Variants in HPDL observed in about 807,000 individuals in gnomAD.
The protein encoded by HPDL is 4-hydroxyphenylpyruvate dioxygenase like.
A neutral mutation model predicts 9.8 loss-of-function variants in HPDL; 7 were observed. The observed-to-expected ratio is 0.71, with a 90% confidence interval of 0.41 to 1.34. The LOEUF is 1.34. Ranked by LOEUF, HPDL falls within the 40% of genes most tolerant of loss-of-function variation. HPDL has a pLI of 0.01. For synonymous variants in HPDL, 250 were observed against 228.2 expected (o/e 1.10, Z -0.86); for missense variants, 530 against 495.1 (o/e 1.07, Z -0.67).
rs752726928 is a variant in HPDL, at chr1:45,327,135, C to T, written c.-14C>T. On this transcript the variant is annotated 5_prime_UTR_variant, in exon 1 of 1. Coordinates refer to ENST00000334815, the MANE Select transcript of HPDL (RefSeq NM_032756.4). The surrounding 1 kb of genome is among the most constrained non-coding windows in gnomAD (Gnocchi z 6.3). ...GCCCCAGAAGGACAAGTCTAGGTCG[C>T]CGTCCAGAGCGCCATGGCCGCGCCC... 2.6e-6 allele frequency: 4 copies of T among 1,538,050 alleles called. No individual in the cohort carries two copies. The highest frequency in any genetic ancestry group is 1.2e-5 in the South Asian group (1 of 81,024).
rs1644239655 is a variant in HPDL, at chr1:45,327,094, C to T, written c.-55C>T. ...CCAGGACTGAGAGCCCCGAAGTCCC[C>T]AACCACAAGTAAGCGGCCCCAGAAG... On this transcript the variant is annotated 5_prime_UTR_variant, in exon 1 of 1. Transcript: ENST00000334815. The surrounding 1 kb of genome is among the most constrained non-coding windows in gnomAD (Gnocchi z 6.3). 6.7e-6 allele frequency: 10 copies of T among 1,501,636 alleles called. No individual in the cohort carries two copies. Among genetic ancestry groups the T allele is most frequent in the South Asian group, 6.6e-5 (5 of 75,960 alleles). 93.0% of individuals were successfully genotyped at this position (1,501,636 alleles called of 1,614,324 possible). A position where few individuals can be genotyped will look rare whatever the true frequency, so the allele number is the denominator to read the frequency against.
In HPDL at chr1:45,327,472, C is replaced by A. The variant is rs768772725; in HGVS notation, c.324C>A (p.Arg108=). ...GCAGCGTGCCTGTCCCTCCCGTTCG[C>A]GTGCGGGACGCGCAGGGTGCCGCCA... ...LGCSVPVPPV[R]VRDAQGAATY... The change falls in exon 1 of 1, where the codon CGC becomes CGA. Residue 108 remains arginine (R), a synonymous_variant. Coordinates refer to ENST00000334815, the MANE Select transcript of HPDL (RefSeq NM_032756.4). The surrounding 1 kb of genome is among the most constrained non-coding windows in gnomAD (Gnocchi z 6.3). 3.1e-6 allele frequency: 5 copies of A among 1,591,740 alleles called. No homozygotes were observed. The highest frequency in any genetic ancestry group is 4.3e-6 in the Non-Finnish European group (5 of 1,175,454).
rs1256046999 is a variant in HPDL, at chr1:45,328,156, C to A, written c.1008C>A (p.Phe336Leu). ...AGTCCCTTTTTACTGAGGACACTTT[C>A]TTCCTGGAGCTGATTCAGAGGCAGG... ...FTKSLFTEDT[F>L]FLELIQRQGA... is the part of the protein sequence containing the mutation. The change falls in exon 1 of 1, where the codon TTC becomes TTA. Residue 336 changes from phenylalanine to leucine, a missense_variant. Coordinates refer to ENST00000334815, the MANE Select transcript of HPDL (RefSeq NM_032756.4). 30 of 1,614,150 alleles carry A rather than the reference C, an allele frequency of 1.9e-5. No individual in the cohort carries two copies. Among genetic ancestry groups the A allele is most frequent in the African/African-American group, 4.0e-5 (3 of 74,956 alleles).
In HPDL at chr1:45,327,133, C is replaced by T; in HGVS notation, c.-16C>T. 2 of 1,537,228 alleles carry T rather than the reference C, an allele frequency of 1.3e-6. No individual in the cohort carries two copies. The highest frequency in any genetic ancestry group is 2.3e-5 in the East Asian group (1 of 44,000). On this transcript the variant is annotated 5_prime_UTR_variant, in exon 1 of 1. Coordinates refer to ENST00000334815, the MANE Select transcript of HPDL (RefSeq NM_032756.4). This position sits in a 1 kb window ranked among gnomAD's most constrained non-coding sequence, Gnocchi z 6.3. ...CGGCCCCAGAAGGACAAGTCTAGGT[C>T]GCCGTCCAGAGCGCCATGGCCGCGC...
rs1644265654 is a variant in HPDL, at chr1:45,328,160, C to T, written c.1012C>T (p.Leu338=). ...KSLFTEDTFF[L]ELIQRQGATG... is the part of the protein sequence containing the mutation. ...CCTTTTTACTGAGGACACTTTCTTC[C>T]TGGAGCTGATTCAGAGGCAGGGGGC... The change falls in exon 1 of 1, where the codon CTG becomes TTG. Residue 338 remains leucine, a synonymous_variant. Coordinates refer to ENST00000334815, the MANE Select transcript of HPDL (RefSeq NM_032756.4). The T allele has an allele frequency of 6.2e-7, 1 of 1,614,134 alleles. No homozygotes were observed. Among genetic ancestry groups the T allele is most frequent in the African/African-American group, 1.3e-5 (1 of 74,956 alleles).
In HPDL at chr1:45,327,576, T is replaced by C. The variant is rs1644250971; in HGVS notation, c.428T>C (p.Leu143Pro). The change falls in exon 1 of 1, where the codon CTA becomes CCA. Residue 143 changes from leucine to proline, a missense_variant. Transcript: ENST00000334815. This position sits in a 1 kb window ranked among gnomAD's most constrained non-coding sequence, Gnocchi z 6.3. Reference protein sequence around the residue: ...LERAGYRGPFLPGFRPVSSAP... With the variant: ...LERAGYRGPFPPGFRPVSSAP... ...CGCGCTGGCTACCGCGGACCCTTCC[T>C]ACCCGGCTTCAGGCCCGTGTCCTCT... is the stretch of plus-strand genomic sequence containing the variant. The C allele has an allele frequency of 6.2e-7, 1 of 1,611,160 alleles. No individual in the cohort carries two copies. Among genetic ancestry groups the C allele is most frequent in the Non-Finnish European group, 8.5e-7 (1 of 1,179,772 alleles).
rs750256690 is a variant in HPDL, at chr1:45,327,489, G to A, written c.341G>A (p.Gly114Asp). ...CCCGTTCGCGTGCGGGACGCGCAGG[G>A]TGCCGCCACTTACGCCGTGGTCAGC... is the stretch of plus-strand genomic sequence containing the variant. ...VPPVRVRDAQ[G>D]AATYAVVSSP... Residue 114 changes from glycine to aspartate, a missense_variant, in exon 1 of 1, where the codon GGT becomes GAT. Coordinates refer to ENST00000334815, the MANE Select transcript of HPDL (RefSeq NM_032756.4). This position sits in a 1 kb window ranked among gnomAD's most constrained non-coding sequence, Gnocchi z 6.3. 2 of 1,596,518 alleles carry A rather than the reference G, an allele frequency of 1.3e-6. No homozygotes were observed. Among genetic ancestry groups the A allele is most frequent in the Admixed American group, 3.4e-5 (2 of 59,498 alleles).
rs756915735 is a variant in HPDL, at chr1:45,327,157, G to A, written c.9G>A (p.Ala3=). 1.3e-6 allele frequency: 2 copies of A among 1,555,718 alleles called. No homozygotes were observed. The highest frequency in any genetic ancestry group is 2.3e-5 in the East Asian group (1 of 44,068). The change falls in exon 1 of 1, where the codon GCG becomes GCA. Residue 3 remains alanine, a synonymous_variant. Transcript: ENST00000334815. The surrounding 1 kb of genome is among the most constrained non-coding windows in gnomAD (Gnocchi z 6.3). ...TCGCCGTCCAGAGCGCCATGGCCGC[G>A]CCCGCCCTTCGTTTGTGCCACATCG... MA[A]PALRLCHIAF...
Position 45,328,068 on chromosome 1 carries a change from T to C in HPDL, c.920T>C (p.Leu307Pro). 1 of 1,614,246 alleles carries C rather than the reference T, an allele frequency of 6.2e-7. No individual in the cohort carries two copies. The highest frequency in any genetic ancestry group is 1.1e-5 in the South Asian group (1 of 91,092). ...IRAAGHEPHL[L>P]ARQGILLDGD... ...GCTGCAGGGCACGAGCCTCATCTGC[T>C]TGCTCGACAGGGGATCCTGCTAGAT... The change falls in exon 1 of 1, where the codon CTT becomes CCT. Residue 307 changes from leucine to proline, a missense_variant. Physicochemically the swap from Leu to Pro is moderately conservative, Grantham distance 98 (BLOSUM62 -3). Transcript: ENST00000334815.
In HPDL at chr1:45,327,233, T is replaced by C. The variant is rs556548178; in HGVS notation, c.85T>C (p.Phe29Leu). 7 of 1,604,230 alleles carry C rather than the reference T, an allele frequency of 4.4e-6. No individual in the cohort carries two copies. The African/African-American group carries it at 9.3e-5, about 21-fold the overall frequency. Residue 29 changes from phenylalanine (F) to leucine (L), a missense_variant, in exon 1 of 1, where the codon TTC becomes CTC. By Grantham distance (22) the Phe-to-Leu change is conservative. Transcript: ENST00000334815. The surrounding 1 kb of genome is among the most constrained non-coding windows in gnomAD (Gnocchi z 6.3). ...QPLARNLQRLFGFQPLASREV... is the reference protein window; with the variant it reads ...QPLARNLQRLLGFQPLASREV... ...CCTAGCCCGGAACCTGCAGCGCCTC[T>C]TCGGCTTCCAGCCCCTGGCTTCGCG...
At position 45,328,329 on chromosome 1, in the gene HPDL, G is replaced by A. The variant is rs760993991; in HGVS notation, c.*65G>A. On this transcript the variant is annotated 3_prime_UTR_variant, in exon 1 of 1. Coordinates refer to ENST00000334815, the MANE Select transcript of HPDL (RefSeq NM_032756.4). ...CTGGGGAGACCAGCACAGAACTGAG[G>A]AACATCTGCAGGAGGCCCAACTAGT... 3.6e-5 allele frequency: 55 copies of A among 1,527,408 alleles called. No homozygotes were observed. The highest frequency in any genetic ancestry group is 4.9e-5 in the Non-Finnish European group (55 of 1,131,062). The allele number at this position is 1,527,408 out of a possible 1,614,324, so 94.6% of individuals were successfully genotyped here. A position where few individuals can be genotyped will look rare whatever the true frequency, so the allele number is the denominator to read the frequency against.
In HPDL at chr1:45,326,923, C is replaced by T. The variant is rs917303407; in HGVS notation, c.-226C>T. ...ACCAGCAGCTCGGCTCACTGAGACCCGGTGGTCCAGACGCTGCTCCTGGCT... is the reference window on the plus strand; with the variant it reads ...ACCAGCAGCTCGGCTCACTGAGACCTGGTGGTCCAGACGCTGCTCCTGGCT... On this transcript the variant is annotated 5_prime_UTR_variant, in exon 1 of 1. Coordinates refer to ENST00000334815, the MANE Select transcript of HPDL (RefSeq NM_032756.4). 3 of 445,242 alleles carry T rather than the reference C, an allele frequency of 6.7e-6. No individual in the cohort carries two copies. The highest frequency in any genetic ancestry group is 4.1e-5 in the African/African-American group (2 of 48,870). 27.6% of individuals were successfully genotyped at this position (445,242 alleles called of 1,614,324 possible).
Position 45,327,143 on chromosome 1 carries a change from A to G in HPDL, c.-6A>G, listed in dbSNP as rs72890563. On this transcript the variant is annotated 5_prime_UTR_variant, in exon 1 of 1. Transcript: ENST00000334815. The surrounding 1 kb of genome is among the most constrained non-coding windows in gnomAD (Gnocchi z 6.3). Reference sequence around the variant, plus strand: ...AGGACAAGTCTAGGTCGCCGTCCAGAGCGCCATGGCCGCGCCCGCCCTTCG... The same window carrying G: ...AGGACAAGTCTAGGTCGCCGTCCAGGGCGCCATGGCCGCGCCCGCCCTTCG... 9.0e-4 allele frequency: 1,396 copies of G among 1,545,528 alleles called. 13 individuals are homozygous for G. In the African/African-American group the frequency reaches 0.017, roughly 19 times the overall value.
In HPDL at chr1:45,327,907, G is replaced by GCC; in HGVS notation, c.760_761dup (p.Gly255GlnfsTer61). 6.4e-7 allele frequency: 1 copy of GCC among 1,558,666 alleles called. No individual in the cohort carries two copies. Among genetic ancestry groups the GCC allele is most frequent in the Non-Finnish European group, 8.7e-7 (1 of 1,151,608 alleles). On this transcript the variant is annotated frameshift_variant, in exon 1 of 1. Coordinates refer to ENST00000334815, the MANE Select transcript of HPDL (RefSeq NM_032756.4). LOFTEE classifies it high-confidence loss of function. The surrounding 1 kb of genome is among the most constrained non-coding windows in gnomAD (Gnocchi z 6.3). ...AGCAGTTCCTGGCCCGGCACAAGGGGCCAGGCCTGCAGCACGTGGGGCTGT... is the reference window on the plus strand; with the variant it reads ...AGCAGTTCCTGGCCCGGCACAAGGGGCCCCAGGCCTGCAGCACGTGGGGCTGT...
chr1:45,328,253 C>G lies in HPDL; in HGVS notation c.1105C>G (p.Gln369Glu). The G allele has an allele frequency of 1.2e-6, 2 of 1,613,832 alleles. No homozygotes were observed. Among genetic ancestry groups the G allele is most frequent in the African/African-American group, 2.7e-5 (2 of 75,024 alleles). ...CGTACAGGAGCAATCTGCCAGGAGCCAGGAAGCCTAAGGATGCCCAGGGCT... is the reference window on the plus strand; with the variant it reads ...CGTACAGGAGCAATCTGCCAGGAGCGAGGAAGCCTAAGGATGCCCAGGGCT... ...QSVQEQSARS[Q>E]EA Residue 369 changes from glutamine to glutamate, a missense_variant, in exon 1 of 1, where the codon CAG (glutamine) becomes GAG (glutamate). Transcript: ENST00000334815.
At position 45,327,463 on chromosome 1, in the gene HPDL, T is replaced by G. The variant is rs775647614; in HGVS notation, c.315T>G (p.Pro105=). The change falls in exon 1 of 1, where the codon CCT becomes CCG. Residue 105 remains proline (P), a synonymous_variant. Coordinates refer to ENST00000334815, the MANE Select transcript of HPDL (RefSeq NM_032756.4). This position sits in a 1 kb window ranked among gnomAD's most constrained non-coding sequence, Gnocchi z 6.3. ...CGCTGGGCTGCAGCGTGCCTGTCCCTCCCGTTCGCGTGCGGGACGCGCAGG... is the reference window on the plus strand; with the variant it reads ...CGCTGGGCTGCAGCGTGCCTGTCCCGCCCGTTCGCGTGCGGGACGCGCAGG... ...LAALGCSVPV[P]PVRVRDAQGA... is the part of the protein sequence containing the mutation. 8 of 1,590,140 alleles carry G rather than the reference T, an allele frequency of 5.0e-6. 1 individual carries two copies. In the South Asian group the frequency reaches 7.8e-5, roughly 16 times the overall value.
chr1:45,327,871 G>A lies in HPDL; in HGVS notation c.723G>A (p.Gln241=), dbSNP rs1165237669. The A allele has an allele frequency of 6.5e-6, 10 of 1,549,518 alleles. No individual in the cohort carries two copies. Among genetic ancestry groups the A allele is most frequent in the Non-Finnish European group, 8.7e-6 (10 of 1,147,464 alleles). ...CCCTTCCGGGGGCGACGACACGACA[G>A]GACCAGGTGGAGCAGTTCCTGGCCC... is the stretch of plus-strand genomic sequence containing the variant. ...AESLPGATTR[Q]DQVEQFLARH... The change falls in exon 1 of 1, where the codon CAG becomes CAA. Residue 241 remains glutamine, a synonymous_variant. Transcript: ENST00000334815. This position sits in a 1 kb window ranked among gnomAD's most constrained non-coding sequence, Gnocchi z 6.3.
rs572135954 is a variant in HPDL at position 45,326,905 on chromosome 1, G to A, written c.-244G>A. ...CACCGCGTGGTTCTCACAACCAGCA[G>A]CTCGGCTCACTGAGACCCGGTGGTC... On this transcript the variant is annotated 5_prime_UTR_variant, in exon 1 of 1. Coordinates refer to ENST00000334815, the MANE Select transcript of HPDL (RefSeq NM_032756.4). 1.2e-5 allele frequency: 5 copies of A among 422,992 alleles called. No individual in the cohort carries two copies. Among genetic ancestry groups the A allele is most frequent in the African/African-American group, 2.1e-5 (1 of 48,766 alleles). 26.2% of individuals were successfully genotyped at this position (422,992 alleles called of 1,614,324 possible).
chr1:45,327,811 G>C lies in HPDL; in HGVS notation c.663G>C (p.Pro221=). Reference sequence around the variant, plus strand: ...GGCTTACAGCCCTGCAGGCCCAGCCGGGCAGCATTGTCCCCACTCTTGTTC... The same window carrying C: ...GGCTTACAGCCCTGCAGGCCCAGCCCGGCAGCATTGTCCCCACTCTTGTTC... ...GLRLTALQAQ[P]GSIVPTLVLA... is the part of the protein sequence containing the mutation. The change falls in exon 1 of 1, where the codon CCG becomes CCC. Residue 221 remains proline (P), a synonymous_variant. Coordinates refer to ENST00000334815, the MANE Select transcript of HPDL (RefSeq NM_032756.4). The surrounding 1 kb of genome is among the most constrained non-coding windows in gnomAD (Gnocchi z 6.3). 6.3e-7 allele frequency: 1 copy of C among 1,582,390 alleles called. No individual in the cohort carries two copies. The highest frequency in any genetic ancestry group is 8.6e-7 in the Non-Finnish European group (1 of 1,162,804).
Sources: allele counts gnomAD v4.1 joint callset, GRCh38; gene constraint gnomAD v4.1.1; non-coding constraint Gnocchi (gnomAD v3.1); transcripts MANE v1.5; gene names NCBI Gene and HGNC (gene_info 2026-07-23, HGNC 2026-07-21).